The following DLG2 variants were observed in gnomAD, a reference collection of about 807,000 sequenced individuals.
DLG2 encodes discs large MAGUK scaffold protein 2, also known as disks large homolog 2.
Under a neutral mutation model 132.5 loss-of-function variants are expected in DLG2, and 45 were observed. The observed-to-expected ratio is 0.34, with a 90% confidence interval of 0.27 to 0.44. DLG2 has a LOEUF of 0.44. DLG2 is among the 20% of genes least tolerant of loss of function. The pLI is 1.00. For synonymous variants in DLG2, 424 were observed against 419.6 expected (o/e 1.01, Z -0.13); for missense variants, 1,045 against 1,196.9 (o/e 0.87, Z 1.87).
In DLG2 at chr11:84,766,883, T is replaced by C. The variant is rs552168355; in HGVS notation, c.358-232152A>G. 3.4e-4 allele frequency among the ~76,000 whole-genome samples: 51 copies of C among 152,160 alleles called. 1 individual carries two copies. The highest frequency in any genetic ancestry group is 1.9e-3 in the South Asian group (9 of 4,824). ...TCATAAACAAAGTAGAAATGAAAAG[T>C]ATCAATGGCTTACTTTTGGGGACAC... On this transcript the variant is annotated intron_variant, in intron 6 of 27. Coordinates refer to ENST00000376104, the MANE Select transcript of DLG2 (RefSeq NM_001142699.3).
intron 6 of DLG2, among the ~76,000 whole-genome samples, chr11:84,754,399 A>C (rs2066585281): frequency 6.6e-6 from 1 of 152,206 alleles, no homozygotes; most frequent in South Asian, 2.1e-4. Flanking sequence ...ATAACAATGC[A>C]TCTGCTAGAA....
chr11:83,617,619 C>T (rs1018368517), intron 19 of DLG2, among the ~76,000 whole-genome samples: 3 of 152,094 alleles, frequency 2.0e-5, no homozygotes, highest in Admixed American at 1.3e-4. Context: ...CTTTTTCTTG[C>T]ACCTCCCCTT....
intron 11 of DLG2, among the ~76,000 whole-genome samples, chr11:83,991,547 T>C (rs545897878): frequency 6.6e-6 from 1 of 152,208 alleles, no homozygotes; most frequent in Admixed American, 6.5e-5. Context: ...TTTTTCTCTC[T>C]CTCTCTCTAG....
At chr11:84,923,708 C>A (rs955040897) in intron 6 of DLG2, 12 of 431,450 alleles carry the variant, frequency 2.8e-5, no homozygotes, top group Non-Finnish European at 3.7e-5. Flanking sequence ...ATGTCTCATT[C>A]TGCTTCTCCA....
At chr11:85,414,908 C>T (rs551266636) in intron 3 of DLG2, among the ~76,000 whole-genome samples, 8 of 151,970 alleles carry the variant, frequency 5.3e-5, no homozygotes, top group Non-Finnish European at 1.0e-4. Context: ...ATGTGCAGAA[C>T]GTGCAGATTT....
At chr11:84,747,288 T>A (rs975875263) in intron 6 of DLG2, among the ~76,000 whole-genome samples, 1 of 152,200 alleles carries the variant, frequency 6.6e-6, no homozygotes, top group Non-Finnish European at 1.5e-5. Context: ...GGCATAACTT[T>A]TAAATTATAT....
At chr11:85,548,507 C>T (rs931053497) in intron 3 of DLG2, among the ~76,000 whole-genome samples, 9 of 152,232 alleles carry the variant, frequency 5.9e-5, no homozygotes. Flanking sequence ...CTTATCAGAG[C>T]TTGAATGCTG....
rs866112554 is a variant in DLG2, at chr11:85,138,269, G to C, written c.282+16287C>G. Among the ~76,000 whole-genome samples, 38 of 152,074 alleles carry C rather than the reference G, an allele frequency of 2.5e-4. No homozygotes were observed. In the Middle Eastern group the frequency reaches 0.01, roughly 41 times the overall value. ...CCTTTGAAATTTTATATAAATGGTA[G>C]GTTATAATGTAAACATTCAATAAAA... On this transcript the variant is annotated intron_variant, in intron 5 of 27. Coordinates refer to ENST00000376104, the MANE Select transcript of DLG2 (RefSeq NM_001142699.3).
intron 6 of DLG2, among the ~76,000 whole-genome samples, chr11:85,067,650 G>A (rs186230851): frequency 4.7e-4 from 72 of 151,760 alleles, no homozygotes; most frequent in African/African-American, 1.5e-3. Context: ...ATTAATAGCC[G>A]ACCAATCAAA....
Position 84,735,584 on chromosome 11 carries a change from C to T in DLG2, c.358-200853G>A, listed in dbSNP as rs563274093. The stretch of plus-strand genomic sequence containing the variant: ...ATCAATTTTGTTGATTTTCAAAAAA[C>T]CAGCTCCTGGATTCATTGAATTTTT... On this transcript the variant is annotated intron_variant, in intron 6 of 27. Coordinates refer to ENST00000376104, the MANE Select transcript of DLG2 (RefSeq NM_001142699.3). 3.9e-5 allele frequency among the ~76,000 whole-genome samples: 6 copies of T among 152,094 alleles called. No homozygotes were observed. In the South Asian group the frequency reaches 1.2e-3, roughly 32 times the overall value.
chr11:85,573,761 C>A (rs1279377264), intron 3 of DLG2, among the ~76,000 whole-genome samples: 1 of 152,174 alleles, frequency 6.6e-6, no homozygotes, highest in East Asian at 1.9e-4. Flanking sequence ...TTTCAAAAGT[C>A]ATCTATTTCT....
At chr11:83,671,383 T>C (rs2076798762) in intron 18 of DLG2, among the ~76,000 whole-genome samples, 1 of 152,230 alleles carries the variant, frequency 6.6e-6, no homozygotes, top group Admixed American at 6.5e-5. Flanking sequence ...GTAGAGTCTG[T>C]ATCGATTCAT....
intron 10 of DLG2, among the ~76,000 whole-genome samples, chr11:84,094,281 T>G (rs913745392): frequency 2.0e-5 from 3 of 152,202 alleles, no homozygotes; most frequent in African/African-American, 7.2e-5. Context: ...TTTAACACTT[T>G]AAATGAGCTA....
chr11:84,142,319 CAAAAA>C (rs71066094), intron 9 of DLG2, among the ~76,000 whole-genome samples: 1 of 86,886 alleles, frequency 1.2e-5, no homozygotes, highest in Non-Finnish European at 2.4e-5. Context: ...GAATCCATCT[CAAAAA>C]AAAAAAAAAA....
At chr11:84,802,746 A>G (rs1272389052) in intron 6 of DLG2, among the ~76,000 whole-genome samples, 1 of 151,488 alleles carries the variant, frequency 6.6e-6, no homozygotes, top group Non-Finnish European at 1.5e-5. Flanking sequence ...GTTAGGGGGG[A>G]TGAAAGTAGA....
chr11:84,001,284 A>T (rs1280448309), intron 11 of DLG2, among the ~76,000 whole-genome samples: 1 of 151,606 alleles, frequency 6.6e-6, no homozygotes, highest in Admixed American at 6.6e-5. Flanking sequence ...AAAGTGAGTA[A>T]GAGTAGCGAT....
intron 6 of DLG2, among the ~76,000 whole-genome samples, chr11:84,716,659 A>G (rs887943031): frequency 6.6e-6 from 1 of 151,326 alleles, no homozygotes; most frequent in Non-Finnish European, 1.5e-5. Context: ...TGGCAAGCCC[A>G]TTCCCATAAA....
chr11:83,497,576 A>G (rs1484590025), intron 21 of DLG2, among the ~76,000 whole-genome samples: 1 of 151,948 alleles, frequency 6.6e-6, no homozygotes, highest in Non-Finnish European at 1.5e-5. Flanking sequence ...CAAAACCCAC[A>G]TAGTTTCTTT....
chr11:83,768,681 C>T (rs1220704213), intron 18 of DLG2, among the ~76,000 whole-genome samples: 3 of 152,214 alleles, frequency 2.0e-5, no homozygotes, highest in Non-Finnish European at 2.9e-5. Flanking sequence ...GGCAGCACAA[C>T]GTGGCTCAGC....
Sources: allele counts gnomAD v4.1 joint callset (sites outside exome capture counted in the v4.1 genomes callset), GRCh38; gene constraint gnomAD v4.1.1; transcripts MANE v1.5; gene names NCBI Gene and HGNC (gene_info 2026-07-23, HGNC 2026-07-21).